ZFR: variants seen among roughly 807,000 people sequenced by gnomAD.
ZFR encodes the protein zinc finger RNA-binding protein.
In ZFR, 19 loss-of-function variants were observed where a neutral mutation model predicts 130.7. The observed-to-expected ratio is 0.15, with a 90% CI of 0.10 to 0.21. The LOEUF (loss-of-function observed/expected upper bound fraction) is 0.21. Among genes scored for constraint, ZFR ranks in the 10% least tolerant of loss-of-function variants. The probability of loss-of-function intolerance (pLI) is 1.00; values close to 1 mark genes in which losing one functional copy is unlikely to be tolerated. For synonymous variants in ZFR, 466 were observed against 456.9 expected (o/e 1.02, Z -0.25); for missense variants, 872 against 1,321.5 (o/e 0.66, Z 5.27).
intron 2 of ZFR, among the ~76,000 whole-genome samples, chr5:32,423,930 T>C (rs1754010903): frequency 1.3e-5 from 2 of 152,294 alleles, no homozygotes; most frequent in African/African-American, 4.8e-5. Context: ...CCAGCCAAAC[T>C]ATGGAGGCAG....
chr5:32,363,858 G>C, intron 19 of ZFR, 90 bp downstream of exon 19: 1 of 1,071,424 alleles, frequency 9.3e-7, no homozygotes, highest in Non-Finnish European at 1.3e-6. Flanking sequence ...ATATTATATA[G>C]TGACTTATAA....
chr5:32,386,412 G>C (rs1219305640), intron 14 of ZFR, among the ~76,000 whole-genome samples: 1 of 152,044 alleles, frequency 6.6e-6, no homozygotes, highest in East Asian at 1.9e-4. Context: ...AGGTGGGTTT[G>C]AAGAGTATTC....
rs776144768 is a variant in ZFR, at chr5:32,406,924, A to AGCT, written c.879_881dup (p.Ala299dup). 23 of 1,594,132 alleles carry AGCT rather than the reference A, an allele frequency of 1.4e-5. No homozygotes were observed. The highest frequency in any genetic ancestry group is 4.1e-5 in the African/African-American group (3 of 73,576). On this transcript the variant is annotated inframe_insertion, in exon 6 of 20. Coordinates refer to ENST00000265069, the MANE Select transcript of ZFR (RefSeq NM_016107.5). ...AGGCAGCTGTTGCAGCAGCAGCAGC[A>AGCT]GCTGCTGCTGCTGCCTGCTTCTGTT...
chr5:32,370,242 T>G (rs1254054555), intron 17 of ZFR, among the ~76,000 whole-genome samples: 1 of 151,756 alleles, frequency 6.6e-6, no homozygotes, highest in African/African-American at 2.4e-5. Context: ...ACAGATTTTT[T>G]TGCTGAAATA....
chr5:32,439,238 T>C (rs1484332045), intron 2 of ZFR, among the ~76,000 whole-genome samples: 1 of 152,230 alleles, frequency 6.6e-6, no homozygotes, highest in African/African-American at 2.4e-5. Flanking sequence ...GCAATATTTC[T>C]TTTTCTTGTA....
intron 3 of ZFR, among the ~76,000 whole-genome samples, chr5:32,419,466 TA>T (rs1753904976): frequency 6.6e-6 from 1 of 152,092 alleles, no homozygotes; most frequent in African/African-American, 2.4e-5. Flanking sequence ...GCCTCCTGAG[TA>T]GCTGGGACTA....
At chr5:32,390,510 T>A in intron 11 of ZFR, 73 bp from the exon 12 acceptor site, 3 of 1,384,130 alleles carry the variant, frequency 2.2e-6, no homozygotes, top group Non-Finnish European at 2.9e-6. Context: ...AATAGTGACA[T>A]AAAAAGCAAT....
chr5:32,395,420 C>A (rs2111751324), intron 10 of ZFR, 116 bp from the exon 11 acceptor site: 1 of 737,858 alleles, frequency 1.4e-6, no homozygotes, highest in Non-Finnish European at 1.9e-6. Context: ...TGCAAGTTTC[C>A]CACTAGAGAG....
At chr5:32,370,056 T>C (rs989408417) in intron 17 of ZFR, among the ~76,000 whole-genome samples, 1 of 151,702 alleles carries the variant, frequency 6.6e-6, no homozygotes, top group African/African-American at 2.4e-5. Context: ...GCACTTAGCA[T>C]ACTGTTTTCA....
intron 15 of ZFR, 72 bp downstream of exon 15, chr5:32,385,436 A>C (rs1753023266): frequency 6.5e-7 from 1 of 1,549,602 alleles, no homozygotes; most frequent in Admixed American, 1.8e-5. Context: ...TCTAGGGCTT[A>C]ATGCCATCTT....
At chr5:32,438,039 T>C (rs1340005169) in intron 2 of ZFR, among the ~76,000 whole-genome samples, 2 of 152,102 alleles carry the variant, frequency 1.3e-5, no homozygotes, top group East Asian at 1.9e-4. Flanking sequence ...TTTGATGGCA[T>C]TGGTTTTTCA....
At chr5:32,357,249 A>AATTTAGGAATACCAGTAC (rs1752335579) in intron 19 of ZFR, among the ~76,000 whole-genome samples, 2 of 151,328 alleles carry the variant, frequency 1.3e-5, no homozygotes, top group South Asian at 4.2e-4. Flanking sequence ...AGCTATCATG[A>AATTTAGGAATACCAGTAC]CTGGCTATAA....
chr5:32,366,288 T>C (rs1319173567), intron 17 of ZFR, among the ~76,000 whole-genome samples: 3 of 152,254 alleles, frequency 2.0e-5, no homozygotes, highest in Non-Finnish European at 4.4e-5. Flanking sequence ...CTCAAATTTT[T>C]ACTGAGTACT....
In ZFR at chr5:32,359,681, T is replaced by C. The variant is rs537521554; in HGVS notation, c.3046-3742A>G. On this transcript the variant is annotated intron_variant, in intron 19 of 19. Coordinates refer to ENST00000265069, the MANE Select transcript of ZFR (RefSeq NM_016107.5). The stretch of plus-strand genomic sequence containing the variant: ...AAAGAAAATCCTTGACCGGGTGCGG[T>C]GGCTCACGCCTGTAATCCCAGCACT... Among the ~76,000 whole-genome samples, 12 of 152,336 alleles carry C rather than the reference T, an allele frequency of 7.9e-5. No homozygotes were observed. In the East Asian group the frequency reaches 2.1e-3, roughly 27 times the overall value.
intron 2 of ZFR, among the ~76,000 whole-genome samples, chr5:32,423,901 C>T (rs1754010495): frequency 6.6e-6 from 1 of 152,258 alleles, no homozygotes; most frequent in African/African-American, 2.4e-5. Flanking sequence ...AAAATGATTA[C>T]TAATGTAGAA....
intron 8 of ZFR, 41 bp from the exon 9 acceptor site, chr5:32,400,244 T>C: frequency 7.1e-7 from 1 of 1,418,246 alleles, no homozygotes. Flanking sequence ...TTTATTTTTG[T>C]ATAAATATAT....
At chr5:32,400,823 C>G (rs968102405) in intron 8 of ZFR, among the ~76,000 whole-genome samples, 13 of 152,224 alleles carry the variant, frequency 8.5e-5, no homozygotes, top group African/African-American at 2.9e-4. Context: ...CACTGCACTC[C>G]AGGCCTGGTC....
chr5:32,364,032 A>T lies in ZFR; in HGVS notation c.2961T>A (p.Leu987=). 1 of 1,614,128 alleles carries T rather than the reference A, an allele frequency of 6.2e-7. No individual in the cohort carries two copies. Among genetic ancestry groups the T allele is most frequent in the Non-Finnish European group, 8.5e-7 (1 of 1,179,998 alleles). ...AGGGATCCTTTTCACAAGGATCCAG[A>T]AGTCCAGGACTACCTACAGCAATCA... ...SGIILKGSPG[L]LDPCEKDPFD... The change falls in exon 19 of 20, where the codon CTT becomes CTA. Residue 987 remains leucine, a synonymous_variant. Coordinates refer to ENST00000265069, the MANE Select transcript of ZFR (RefSeq NM_016107.5).
intron 2 of ZFR, among the ~76,000 whole-genome samples, chr5:32,440,671 T>C (rs894366256): frequency 6.8e-6 from 1 of 146,710 alleles, no homozygotes; most frequent in East Asian, 2.0e-4. Flanking sequence ...AAACAAAAAA[T>C]ACAAAACAGG....
Sources: allele counts gnomAD v4.1 joint callset (sites outside exome capture counted in the v4.1 genomes callset), GRCh38; gene constraint gnomAD v4.1.1; transcripts MANE v1.5; gene names NCBI Gene and HGNC (gene_info 2026-07-23, HGNC 2026-07-21).